The following DYNC2H1 variants were observed in gnomAD, a reference collection of about 807,000 sequenced individuals.
DYNC2H1 encodes dynein cytoplasmic 2 heavy chain 1.
In DYNC2H1, 410 loss-of-function variants were observed where a neutral mutation model predicts 570.0. The ratio of observed to expected loss-of-function variants is 0.72; its 90% CI spans 0.66 to 0.78. DYNC2H1 has a LOEUF of 0.78. Among genes scored for constraint, DYNC2H1 ranks in the 30% least tolerant of loss-of-function variants. DYNC2H1 has a pLI of 0.00. For missense variants in DYNC2H1, 4,865 were observed against 5,046.4 expected (o/e 0.96, Z 1.09); for synonymous variants, 1,688 against 1,677.6 (o/e 1.01, Z -0.15).
intron 70 of DYNC2H1, among the ~76,000 whole-genome samples, chr11:103,263,022 CAAAAAA>C (rs35912109): frequency 7.5e-5 from 3 of 39,968 alleles, no homozygotes; most frequent in East Asian, 8.6e-4. Context: ...AAATGGAAAG[CAAAAAA>C]AAAAAAAAAA....
chr11:103,162,056 G>GC (rs1565355611), intron 29 of DYNC2H1, among the ~76,000 whole-genome samples: 1 of 151,902 alleles, frequency 6.6e-6, no homozygotes, highest in African/African-American at 2.4e-5. Context: ...TAAGAGTTTT[G>GC]TTTTTTTTCC....
chr11:103,126,048 T>G (rs1001748854), intron 12 of DYNC2H1, among the ~76,000 whole-genome samples: 10 of 152,226 alleles, frequency 6.6e-5, no homozygotes, highest in Non-Finnish European at 1.3e-4. Flanking sequence ...GTGTCTTGAT[T>G]TTTTTCGTTT....
At chr11:103,375,636 GC>G (rs1941361929) in intron 83 of DYNC2H1, among the ~76,000 whole-genome samples, 1 of 152,212 alleles carries the variant, frequency 6.6e-6, no homozygotes, top group Admixed American at 6.5e-5. Flanking sequence ...TTTAATGACT[GC>G]CCTATTGCAT....
chr11:103,144,287 G>A (rs1860121179), intron 18 of DYNC2H1, among the ~76,000 whole-genome samples: 1 of 152,146 alleles, frequency 6.6e-6, no homozygotes, highest in South Asian at 2.1e-4. Context: ...ATAGTGTTTT[G>A]AGATAAGTAA....
At chr11:103,216,759 T>C (rs1156453399) in intron 55 of DYNC2H1, among the ~76,000 whole-genome samples, 1 of 150,808 alleles carries the variant, frequency 6.6e-6, no homozygotes, top group Admixed American at 6.6e-5. Flanking sequence ...ATGCCACTGC[T>C]CTCCAGCCTG....
At chr11:103,468,092 G>C (rs952132793) in intron 87 of DYNC2H1, among the ~76,000 whole-genome samples, 2 of 152,086 alleles carry the variant, frequency 1.3e-5, no homozygotes, top group Admixed American at 6.5e-5. Flanking sequence ...CTACACCAAG[G>C]TTACCTTAAA....
In DYNC2H1 at chr11:103,231,354, A is replaced by G. The variant is rs1864001901; in HGVS notation, c.9440+8A>G. The G allele has an allele frequency of 6.4e-7, 1 of 1,573,452 alleles. No individual in the cohort carries two copies. The highest frequency in any genetic ancestry group is 8.7e-7 in the Non-Finnish European group (1 of 1,151,918). On this transcript the variant is annotated splice_region_variant and intron_variant, in intron 60 of 88. Transcript: ENST00000375735. ...ATCAGAACTCAAAGAAAAGTAAGTT[A>G]TATTTTGAAGTGTATTTTGGATAAT...
chr11:103,464,205 C>G (rs1046613230), intron 87 of DYNC2H1, among the ~76,000 whole-genome samples: 1 of 152,032 alleles, frequency 6.6e-6, no homozygotes. Context: ...TACAAAATAA[C>G]AAGAACTTCT....
intron 85 of DYNC2H1, among the ~76,000 whole-genome samples, chr11:103,444,425 A>C (rs627050): frequency 6.6e-6 from 1 of 151,886 alleles, no homozygotes; most frequent in Non-Finnish European, 1.5e-5. Flanking sequence ...TTATTAAATA[A>C]GGTAGTAACA....
intron 81 of DYNC2H1, among the ~76,000 whole-genome samples, chr11:103,321,570 ACT>A (rs1938201612): frequency 6.6e-6 from 1 of 152,138 alleles, no homozygotes; most frequent in South Asian, 2.1e-4. Flanking sequence ...GCATGAGTAT[ACT>A]CTCATATATT....
chr11:103,432,582 T>C (rs1943931501), intron 84 of DYNC2H1, among the ~76,000 whole-genome samples: 1 of 152,000 alleles, frequency 6.6e-6, no homozygotes, highest in African/African-American at 2.4e-5. Context: ...AATAAGAAAA[T>C]CACTCGAATT....
chr11:103,228,405 T>C lies in DYNC2H1; in HGVS notation c.9354-2855T>C, dbSNP rs1158575096. 6.6e-6 allele frequency among the ~76,000 whole-genome samples: 1 copy of C among 152,182 alleles called. No homozygotes were observed. The highest frequency in any genetic ancestry group is 2.4e-5 in the African/African-American group (1 of 41,454). ...TCCCTTGCTGTGATGGTCTTTCCCT[T>C]CCCCTAGGAATGGGTAGTTCTGAGA... On this transcript the variant is annotated intron_variant, in intron 59 of 88. Transcript: ENST00000375735. This position sits in a 1 kb window ranked among gnomAD's most constrained non-coding sequence, Gnocchi z 6.1.
chr11:103,116,450 G>A (rs1209441235), intron 4 of DYNC2H1, 120 bp from the exon 5 acceptor site: 2 of 638,974 alleles, frequency 3.1e-6, no homozygotes, highest in Non-Finnish European at 4.6e-6. Context: ...AGAAAAAGGA[G>A]GAGAAAATAA....
At chr11:103,220,050 G>C in intron 56 of DYNC2H1, 22 bp downstream of exon 56, 1 of 1,304,826 alleles carries the variant, frequency 7.7e-7, no homozygotes, top group South Asian at 1.5e-5. Flanking sequence ...AACATTCTAA[G>C]ATCCATTTAC....
chr11:103,182,269 T>C (rs1861885384), intron 40 of DYNC2H1, among the ~76,000 whole-genome samples: 1 of 150,370 alleles, frequency 6.7e-6, no homozygotes, highest in Admixed American at 6.7e-5. Context: ...TATACCTATA[T>C]ATACACCTAT....
In DYNC2H1 at chr11:103,199,311, T is replaced by C. The variant is rs1565389375; in HGVS notation, c.7923T>C (p.Asp2641=). The C allele has an allele frequency of 1.9e-6, 3 of 1,611,750 alleles. No individual in the cohort carries two copies. Among genetic ancestry groups the C allele is most frequent in the Non-Finnish European group, 2.5e-6 (3 of 1,179,670 alleles). The change falls in exon 49 of 89, where the codon GAT becomes GAC. Residue 2641 remains aspartate (D), a synonymous_variant. Coordinates refer to ENST00000375735, the MANE Select transcript of DYNC2H1 (RefSeq NM_001377.3). This position sits in a 1 kb window ranked among gnomAD's most constrained non-coding sequence, Gnocchi z 4.6. ...TCTTGGAGTATATGTCTAGGATAGA[T>C]AGAGTGCTGAGTTTCCCTGGAGGTT... The part of the protein sequence containing the change: ...HEVLEYMSRI[D]RVLSFPGGSL...
chr11:103,118,224 A>G (rs1395296511), intron 6 of DYNC2H1, among the ~76,000 whole-genome samples: 2 of 152,120 alleles, frequency 1.3e-5, no homozygotes, highest in Non-Finnish European at 2.9e-5. Context: ...CTTAATTTAC[A>G]CAAGTTATGA....
chr11:103,147,517 A>G (rs908065436), intron 18 of DYNC2H1, among the ~76,000 whole-genome samples: 2 of 152,106 alleles, frequency 1.3e-5, no homozygotes, highest in Non-Finnish European at 2.9e-5. Context: ...ATAACATACC[A>G]CCTTTTTTTG....
intron 19 of DYNC2H1, 108 bp from the exon 20 acceptor site, chr11:103,148,382 T>C: frequency 3.6e-6 from 4 of 1,102,198 alleles, no homozygotes; most frequent in Non-Finnish European, 5.0e-6. Context: ...GAACTTATTG[T>C]ATTCCATGTA....
Sources: allele counts gnomAD v4.1 joint callset (sites outside exome capture counted in the v4.1 genomes callset), GRCh38; gene constraint gnomAD v4.1.1; non-coding constraint Gnocchi (gnomAD v3.1); transcripts MANE v1.5; gene names NCBI Gene and HGNC (gene_info 2026-07-23, HGNC 2026-07-21).